RGS3: variants seen among roughly 807,000 people sequenced by gnomAD.
RGS3 encodes the protein regulator of G protein signaling 3.
RGS3 carries 80 observed loss-of-function variants against 132.6 expected under a neutral mutation model. The ratio of observed to expected loss-of-function variants is 0.60; its 90% CI spans 0.50 to 0.73. RGS3 has a LOEUF of 0.73. RGS3 is among the 30% of genes least tolerant of loss of function. RGS3 has a pLI of 0.00. For missense variants in RGS3, 1,382 were observed against 1,530.8 expected (o/e 0.90, Z 1.62); for synonymous variants, 598 against 620.6 (o/e 0.96, Z 0.54).
At position 113,514,662 on chromosome 9, in the gene RGS3, C is replaced by T. The variant is rs116666638; in HGVS notation, c.1674+8C>T. 1.3e-3 allele frequency: 2,085 copies of T among 1,612,438 alleles called. 8 individuals carry two copies. The highest frequency in any genetic ancestry group is 8.0e-3 in the Middle Eastern group (43 of 5,404). On this transcript the variant is annotated splice_region_variant and intron_variant, in intron 15 of 24. Coordinates refer to ENST00000350696, the Ensembl canonical transcript of RGS3. The stretch of plus-strand genomic sequence containing the variant: ...TTCCCTGTCTTTGTTCAGGTGAGCC[C>T]GTGGCTGGTCTTAAAGGTTCCCTCA...
chr9:113,580,707 T>A (rs1221201268), intron 19 of RGS3: 1 of 762,242 alleles, frequency 1.3e-6, no homozygotes, highest in Non-Finnish European at 1.6e-6. Flanking sequence ...GCAGTACCCC[T>A]GCCTGAGTGG....
Position 113,565,152 on chromosome 9 carries a change from C to T in RGS3, c.2038-18298C>T, listed in dbSNP as rs914686579. On this transcript the variant is annotated intron_variant, in intron 19 of 24. Transcript: ENST00000350696. This position sits in a 1 kb window ranked among gnomAD's most constrained non-coding sequence, Gnocchi z 5.7. ...CCCTGGGGATGAGCCACAGGGGACC[C>T]ACAGCCTATGCGTGTGAGCATGTAA... The T allele has an allele frequency of 4.6e-5, 55 of 1,198,414 alleles. No homozygotes were observed. In the Admixed American group the frequency reaches 4.6e-4, roughly 10 times the overall value. The allele number at this position is 1,198,414 out of a possible 1,614,324, so 74.2% of individuals were successfully genotyped here.
At position 113,514,828 on chromosome 9, in the gene RGS3, T is replaced by A. The variant is rs78835213; in HGVS notation, c.1674+174T>A. 9.2e-3 allele frequency among the ~76,000 whole-genome samples: 1,401 copies of A among 152,142 alleles called. 18 individuals carry two copies. The highest frequency in any genetic ancestry group is 0.031 in the African/African-American group (1,304 of 41,496). ...GGGGCTTATACTGAGGGAGCAGAGATTTCCAGGGAGATACACAGGAAAAAG... is the reference window on the plus strand; with the variant it reads ...GGGGCTTATACTGAGGGAGCAGAGAATTCCAGGGAGATACACAGGAAAAAG... On this transcript the variant is annotated intron_variant, in intron 15 of 24. Coordinates refer to ENST00000350696, the Ensembl canonical transcript of RGS3.
intron 15 of RGS3, among the ~76,000 whole-genome samples, chr9:113,516,533 A>G (rs1831672769): frequency 6.7e-6 from 1 of 149,412 alleles, no homozygotes; most frequent in South Asian, 2.1e-4. Flanking sequence ...AGTTTTTTGT[A>G]TTTTTAGTAG....
At chr9:113,522,430 T>C (rs1358765395) in intron 16 of RGS3, 1 of 154,042 alleles carries the variant, frequency 6.5e-6, no homozygotes, top group Non-Finnish European at 1.4e-5. Flanking sequence ...TTTTTGTGGC[T>C]AGTTGGTGGC....
Position 113,565,134 on chromosome 9 carries a change from G to T in RGS3, c.2038-18316G>T. The T allele has an allele frequency of 8.5e-7, 1 of 1,180,026 alleles. No homozygotes were observed. The highest frequency in any genetic ancestry group is 1.1e-6 in the Non-Finnish European group (1 of 936,650). The allele number at this position is 1,180,026 out of a possible 1,614,324, so 73.1% of individuals were successfully genotyped here. On this transcript the variant is annotated intron_variant, in intron 19 of 24. Coordinates refer to ENST00000350696, the Ensembl canonical transcript of RGS3. The surrounding 1 kb of genome is among the most constrained non-coding windows in gnomAD (Gnocchi z 5.7). ...CTTTGGGGCCAGCTTGGGCCCTGGGGATGAGCCACAGGGGACCCACAGCCT... is the reference window on the plus strand; with the variant it reads ...CTTTGGGGCCAGCTTGGGCCCTGGGTATGAGCCACAGGGGACCCACAGCCT...
chr9:113,550,232 G>T (rs894763783), intron 19 of RGS3, among the ~76,000 whole-genome samples: 23 of 152,122 alleles, frequency 1.5e-4, no homozygotes, highest in African/African-American at 4.8e-4. Flanking sequence ...GCATGGTGGC[G>T]CATGCCTGTA....
intron 1 of RGS3, among the ~76,000 whole-genome samples, chr9:113,450,235 AT>A (rs773075410): frequency 2.0e-5 from 3 of 150,466 alleles, no homozygotes; most frequent in South Asian, 2.1e-4. Context: ...TGCCAGCTAA[AT>A]TTTTTTTTGT....
intron 19 of RGS3, among the ~76,000 whole-genome samples, chr9:113,577,604 G>T (rs531647847): frequency 6.6e-6 from 1 of 152,160 alleles, no homozygotes; most frequent in Non-Finnish European, 1.5e-5. Context: ...ATATGCAGAA[G>T]GAGGTCTCCA....
intron 18 of RGS3, among the ~76,000 whole-genome samples, chr9:113,530,507 A>G (rs1034907901): frequency 2.0e-5 from 3 of 152,252 alleles, no homozygotes; most frequent in African/African-American, 7.2e-5. Flanking sequence ...AGAGCCAAGC[A>G]AGCAGAGAGG....
chr9:113,501,273 C>A, intron 10 of RGS3: 1 of 509,316 alleles, frequency 2.0e-6, no homozygotes, highest in Non-Finnish European at 3.3e-6. Flanking sequence ...GCGGAGAATG[C>A]AGCCAGAACA....
In RGS3 at chr9:113,565,119, A is replaced by G; in HGVS notation, c.2038-18331A>G. ...TCCCCCGGAGCAGCACTTTGGGGCC[A>G]GCTTGGGCCCTGGGGATGAGCCACA... On this transcript the variant is annotated intron_variant, in intron 19 of 24. Coordinates refer to ENST00000350696, the Ensembl canonical transcript of RGS3. The surrounding 1 kb of genome is among the most constrained non-coding windows in gnomAD (Gnocchi z 5.7). 2.6e-6 allele frequency: 3 copies of G among 1,173,510 alleles called. No individual in the cohort carries two copies. Among genetic ancestry groups the G allele is most frequent in the Non-Finnish European group, 3.2e-6 (3 of 933,860 alleles). 72.7% of individuals were successfully genotyped at this position (1,173,510 alleles called of 1,614,324 possible). A position where few individuals can be genotyped will look rare whatever the true frequency, so the allele number is the denominator to read the frequency against.
intron 19 of RGS3, among the ~76,000 whole-genome samples, chr9:113,553,451 AAAAAAAAAATAT>A (rs1435411535): frequency 3.9e-4 from 43 of 109,002 alleles, no homozygotes; most frequent in African/African-American, 9.0e-4. Flanking sequence ...TAAAAAAAAA[AAAAAAAAAATAT>A]ATATATATAT....
At chr9:113,490,404 TA>T (rs201075222) in intron 7 of RGS3, among the ~76,000 whole-genome samples, 1 of 151,614 alleles carries the variant, frequency 6.6e-6, no homozygotes, top group Non-Finnish European at 1.5e-5. Flanking sequence ...AAGATGGCTT[TA>T]AAAAAAATCA....
rs1161411627 is a variant in RGS3, at chr9:113,585,550, C to A, written c.3015+1123C>A. On this transcript the variant is annotated intron_variant, in intron 20 of 24. Transcript: ENST00000350696. Reference sequence around the variant, plus strand: ...AGATCTAGAACTTCAGGAGGACAGACCCCAGGGCCTAAAGCCATCAGGGAA... The same window carrying A: ...AGATCTAGAACTTCAGGAGGACAGAACCCAGGGCCTAAAGCCATCAGGGAA... Among the ~76,000 whole-genome samples the A allele has an allele frequency of 3.3e-5, 5 of 152,230 alleles. No homozygotes were observed. In the East Asian group the frequency reaches 7.7e-4, roughly 23 times the overall value.
chr9:113,540,982 T>C (rs893161034), intron 19 of RGS3, among the ~76,000 whole-genome samples: 4 of 152,188 alleles, frequency 2.6e-5, no homozygotes, highest in African/African-American at 4.8e-5. Flanking sequence ...GCTGTCCATA[T>C]GGGAAGATTC....
chr9:113,524,835 G>T (rs1832129506), intron 17 of RGS3, among the ~76,000 whole-genome samples: 1 of 152,186 alleles, frequency 6.6e-6, no homozygotes, highest in African/African-American at 2.4e-5. Flanking sequence ...GAATTGGTTG[G>T]GATCTCCCCT....
At chr9:113,497,768 G>A (rs541554286) in intron 9 of RGS3, among the ~76,000 whole-genome samples, 4 of 152,174 alleles carry the variant, frequency 2.6e-5, no homozygotes, top group African/African-American at 9.7e-5. Flanking sequence ...CAGACAGGGC[G>A]TTTAGGTCCT....
At chr9:113,500,627 A>G (rs1006707472) in intron 10 of RGS3, among the ~76,000 whole-genome samples, 1 of 151,920 alleles carries the variant, frequency 6.6e-6, no homozygotes, top group African/African-American at 2.4e-5. Flanking sequence ...TTTATGGTCC[A>G]TGTGTATCAC....
Sources: allele counts gnomAD v4.1 joint callset (sites outside exome capture counted in the v4.1 genomes callset), GRCh38; gene constraint gnomAD v4.1.1; non-coding constraint Gnocchi (gnomAD v3.1); transcripts MANE v1.5; gene names NCBI Gene and HGNC (gene_info 2026-07-23, HGNC 2026-07-21).